The following SKAP2 variants were observed in gnomAD, a reference collection of about 807,000 sequenced individuals.
SKAP2 encodes the protein src kinase associated phosphoprotein 2, also known as src kinase-associated phosphoprotein 2.
Under a neutral mutation model 54.9 loss-of-function variants are expected in SKAP2, and 28 were observed. The observed-to-expected ratio is 0.51, with a 90% CI of 0.38 to 0.70. The LOEUF is 0.70. SKAP2 is among the 30% of genes least tolerant of loss of function. The pLI is 0.00. For synonymous variants in SKAP2, 137 were observed against 134.3 expected, an observed-to-expected ratio of 1.02 and a Z score of -0.14; for missense variants, 356 against 424.1, an observed-to-expected ratio of 0.84 and a Z score of 1.41.
chr7:26,698,711 C>T (rs1328977754), intron 9 of SKAP2, among the ~76,000 whole-genome samples: 1 of 152,158 alleles, frequency 6.6e-6, no homozygotes, highest in Non-Finnish European at 1.5e-5. Context: ...ACCATTTTTA[C>T]TTGAATGACT....
At chr7:26,806,454 G>A (rs148924116) in intron 4 of SKAP2, among the ~76,000 whole-genome samples, 184 of 152,318 alleles carry the variant, frequency 1.2e-3, no homozygotes, top group South Asian at 2.3e-3. Context: ...TTATATGCCT[G>A]TGGTCCCAGC....
chr7:26,752,930 C>T (rs1216812689), intron 4 of SKAP2, among the ~76,000 whole-genome samples: 1 of 152,112 alleles, frequency 6.6e-6, no homozygotes, highest in Non-Finnish European at 1.5e-5. Flanking sequence ...TGATAAAATG[C>T]CTGAGTCTAC....
chr7:26,808,216 A>T (rs1367323439), intron 4 of SKAP2, among the ~76,000 whole-genome samples: 3 of 152,218 alleles, frequency 2.0e-5, no homozygotes, highest in Non-Finnish European at 2.9e-5. Context: ...AAATAACCCA[A>T]ATAAATGTCC....
intron 9 of SKAP2, among the ~76,000 whole-genome samples, chr7:26,696,671 T>G (rs979607101): frequency 9.9e-5 from 15 of 152,172 alleles, no homozygotes; most frequent in African/African-American, 3.6e-4. Flanking sequence ...ATTTTCACCT[T>G]TGACATTCTA....
At chr7:26,770,242 T>C (rs1783157754) in intron 4 of SKAP2, among the ~76,000 whole-genome samples, 1 of 152,140 alleles carries the variant, frequency 6.6e-6, no homozygotes, top group South Asian at 2.1e-4. Context: ...CTGGGTGGCT[T>C]TGTTTACACT....
At chr7:26,769,881 G>A (rs543978659) in intron 4 of SKAP2, among the ~76,000 whole-genome samples, 4 of 152,136 alleles carry the variant, frequency 2.6e-5, no homozygotes, top group Admixed American at 6.5e-5. Context: ...CATATGAGGT[G>A]TCTGTCGACC....
chr7:26,768,727 C>T (rs1243490705), intron 4 of SKAP2, among the ~76,000 whole-genome samples: 1 of 152,092 alleles, frequency 6.6e-6, no homozygotes, highest in Non-Finnish European at 1.5e-5. Context: ...AGCTCTTTGG[C>T]TAGATATGAA....
rs150756015 is a variant in SKAP2 at position 26,690,843 on chromosome 7, T to G, written c.797-481A>C. Among the ~76,000 whole-genome samples the G allele has an allele frequency of 6.1e-4, 93 of 152,330 alleles. 1 individual carries two copies. The highest frequency in any genetic ancestry group is 2.1e-3 in the East Asian group (11 of 5,186). ...AAATCATGGTCCCTAAAACATCATA[T>G]AGCAAGGAGAAATGTGTGATTAAAA... On this transcript the variant is annotated intron_variant, in intron 9 of 12. Coordinates refer to ENST00000345317, the MANE Select transcript of SKAP2 (RefSeq NM_003930.5).
At chr7:26,689,301 T>C (rs1038205814) in intron 10 of SKAP2, among the ~76,000 whole-genome samples, 2 of 152,166 alleles carry the variant, frequency 1.3e-5, no homozygotes, top group African/African-American at 4.8e-5. Context: ...CCAGCTGACA[T>C]GTGGCTATGA....
At chr7:26,838,417 T>G (rs1348095430) in intron 4 of SKAP2, among the ~76,000 whole-genome samples, 1 of 152,176 alleles carries the variant, frequency 6.6e-6, no homozygotes, top group East Asian at 1.9e-4. Flanking sequence ...AAGCATTTAG[T>G]GCTCTAGGGA....
chr7:26,827,031 T>G (rs1784505285), intron 4 of SKAP2, among the ~76,000 whole-genome samples: 1 of 152,180 alleles, frequency 6.6e-6, no homozygotes, highest in African/African-American at 2.4e-5. Context: ...ATAAGTCCTA[T>G]TCAGTGAAAG....
At chr7:26,722,848 A>G (rs1787608189) in intron 9 of SKAP2, among the ~76,000 whole-genome samples, 1 of 152,256 alleles carries the variant, frequency 6.6e-6, no homozygotes, top group African/African-American at 2.4e-5. Context: ...GATTTAAAGT[A>G]GCATAATAAA....
At chr7:26,670,231 G>T in intron 11 of SKAP2, 39 bp from the exon 12 acceptor site, 2 of 914,740 alleles carry the variant, frequency 2.2e-6, no homozygotes, top group Non-Finnish European at 3.7e-6. Flanking sequence ...CTTTAGACTG[G>T]TGTAAGTACA....
intron 4 of SKAP2, among the ~76,000 whole-genome samples, chr7:26,748,197 T>A (rs536799809): frequency 6.6e-6 from 1 of 152,246 alleles, no homozygotes; most frequent in African/African-American, 2.4e-5. Context: ...GTGAAAAAAA[T>A]CTCTTTAAGA....
chr7:26,837,646 C>A (rs1389336056), intron 4 of SKAP2, among the ~76,000 whole-genome samples: 7 of 152,146 alleles, frequency 4.6e-5, no homozygotes, highest in Non-Finnish European at 1.0e-4. Flanking sequence ...CTGGGAATTA[C>A]AATTCAACAT....
intron 4 of SKAP2, among the ~76,000 whole-genome samples, chr7:26,756,951 C>T (rs9770851): frequency 0.58 from 88,588 of 152,060 alleles, 26,198 homozygotes; most frequent in East Asian, 0.88. Flanking sequence ...CATTTTTTCA[C>T]GTGTGTGCTG....
At chr7:26,737,102 T>G (rs1787959354) in intron 6 of SKAP2, among the ~76,000 whole-genome samples, 1 of 152,196 alleles carries the variant, frequency 6.6e-6, no homozygotes, top group Non-Finnish European at 1.5e-5. Flanking sequence ...TCATTGATTC[T>G]TAAAGAAATT....
intron 4 of SKAP2, among the ~76,000 whole-genome samples, chr7:26,747,082 CAA>C (rs1782573630): frequency 6.6e-6 from 1 of 152,078 alleles, no homozygotes; most frequent in Non-Finnish European, 1.5e-5. Context: ...ATTATATATT[CAA>C]CAGGCACCTC....
intron 4 of SKAP2, among the ~76,000 whole-genome samples, chr7:26,751,891 G>T (rs1287513329): frequency 1.3e-5 from 2 of 149,472 alleles, no homozygotes; most frequent in South Asian, 2.2e-4. Flanking sequence ...GGGTGGGAGG[G>T]AGGGGGAGGA....
Sources: allele counts gnomAD v4.1 joint callset (sites outside exome capture counted in the v4.1 genomes callset), GRCh38; gene constraint gnomAD v4.1.1; transcripts MANE v1.5; gene names NCBI Gene and HGNC (gene_info 2026-07-23, HGNC 2026-07-21).